Variants in PATL1 observed in about 807,000 individuals in gnomAD.
PATL1 encodes PAT1 homolog 1, processing body mRNA decay factor.
In PATL1, 32 loss-of-function variants were observed where a neutral mutation model predicts 100.6. That is an observed-to-expected ratio of 0.32 (90% CI 0.24 to 0.43). The LOEUF is 0.43. Among genes scored for constraint, PATL1 ranks in the 20% least tolerant of loss-of-function variants. The probability of loss-of-function intolerance (pLI) is 1.00; values close to 1 mark genes in which losing one functional copy is unlikely to be tolerated. For synonymous variants in PATL1, 332 were observed against 330.0 expected (o/e 1.01, Z -0.07); for missense variants, 747 against 949.9 (o/e 0.79, Z 2.81).
At chr11:59,651,897 T>C (rs1421345547) in intron 11 of PATL1, among the ~76,000 whole-genome samples, 2 of 151,154 alleles carry the variant, frequency 1.3e-5, no homozygotes, top group African/African-American at 4.9e-5. Flanking sequence ...AAACCCCGTC[T>C]CTACTAAAAA....
At chr11:59,641,062 C>A (rs1861270791) in intron 16 of PATL1, among the ~76,000 whole-genome samples, 1 of 151,890 alleles carries the variant, frequency 6.6e-6, no homozygotes, top group African/African-American at 2.4e-5. Flanking sequence ...ATCCCAGCTA[C>A]TTGGGGGCTG....
Position 59,665,578 on chromosome 11 carries a change from ACT to A in PATL1, c.127+1273_127+1274del, listed in dbSNP as rs540715863. ...CACTTTGGGAGGCTGAGGAGGGATC[ACT>A]TGAGGTCAGGAGTTCATGACCACCC... On this transcript the variant is annotated intron_variant, in intron 2 of 18. Coordinates refer to ENST00000300146, the MANE Select transcript of PATL1 (RefSeq NM_152716.3). 9.0e-3 allele frequency among the ~76,000 whole-genome samples: 1,369 copies of A among 152,214 alleles called. 19 individuals carry two copies. Among genetic ancestry groups the A allele is most frequent in the African/African-American group, 0.031 (1,267 of 41,524 alleles).
At chr11:59,668,765 C>A (rs535454537) in intron 1 of PATL1, 116 bp downstream of exon 1, 2 of 560,010 alleles carry the variant, frequency 3.6e-6, no homozygotes, top group Non-Finnish European at 3.2e-6. Flanking sequence ...CTAAGTCCTG[C>A]GACTCCCCCA....
chr11:59,657,955 G>C (rs925841928), intron 4 of PATL1, among the ~76,000 whole-genome samples: 4 of 152,080 alleles, frequency 2.6e-5, no homozygotes, highest in African/African-American at 9.7e-5. Context: ...CTTGAAGCCA[G>C]GAGTTTGAGA....
rs77170766 is a variant in PATL1, at chr11:59,665,937, G to A, written c.127+916C>T. On this transcript the variant is annotated intron_variant, in intron 2 of 18. Transcript: ENST00000300146. ...TTTCCATCTTGGCATTTATAACCCCGTGGCCTGTAACCTTAGTTTGGCTCT... is the reference window on the plus strand; with the variant it reads ...TTTCCATCTTGGCATTTATAACCCCATGGCCTGTAACCTTAGTTTGGCTCT... 6.2e-3 allele frequency among the ~76,000 whole-genome samples: 949 copies of A among 152,146 alleles called. 5 individuals carry two copies. Among genetic ancestry groups the A allele is most frequent in the African/African-American group, 0.021 (861 of 41,474 alleles).
intron 2 of PATL1, among the ~76,000 whole-genome samples, chr11:59,663,933 G>A (rs763580691): frequency 3.9e-5 from 6 of 152,252 alleles, no homozygotes; most frequent in Non-Finnish European, 8.8e-5. Context: ...AGAAGTCACA[G>A]GTTGACTTGG....
At chr11:59,664,198 A>G (rs1861659524) in intron 2 of PATL1, among the ~76,000 whole-genome samples, 1 of 152,172 alleles carries the variant, frequency 6.6e-6, no homozygotes, top group South Asian at 2.1e-4. Flanking sequence ...GTGTAAACCT[A>G]ATGGCTTTTT....
In PATL1 at chr11:59,658,871, C is replaced by T; in HGVS notation, c.421G>A (p.Ala141Thr). The T allele has an allele frequency of 3.2e-6, 5 of 1,546,464 alleles. No homozygotes were observed. Among genetic ancestry groups the T allele is most frequent in the Non-Finnish European group, 4.4e-6 (5 of 1,145,588 alleles). ...VLRRIRGPLL[A>T]QEMPTVSVLE... ...AAAGAGAAAATATTTAATACCTGAG[C>T]AAGCAGTGGTCCTCGGATTCGCCTC... The change falls in exon 4 of 19, where the codon GCT (alanine) becomes ACT (threonine). Residue 141 changes from alanine to threonine, a missense_variant. By Grantham distance (58) the Ala-to-Thr change is moderately conservative. Coordinates refer to ENST00000300146, the MANE Select transcript of PATL1 (RefSeq NM_152716.3).
intron 15 of PATL1, among the ~76,000 whole-genome samples, chr11:59,644,890 C>CTT (rs71036539): frequency 0.018 from 1,475 of 83,668 alleles, 18 homozygotes; most frequent in African/African-American, 0.053. Context: ...ACTTCGTTTC[C>CTT]TTTTTTTTTT....
intron 2 of PATL1, among the ~76,000 whole-genome samples, chr11:59,666,177 C>T (rs2134764519): frequency 6.6e-6 from 1 of 152,072 alleles, no homozygotes; most frequent in South Asian, 2.1e-4. Context: ...ACTCAGGAGG[C>T]GGAGGTTGCA....
At chr11:59,652,677 C>G (rs1861463764) in intron 10 of PATL1, 90 bp from the exon 11 acceptor site, 5 of 1,554,136 alleles carry the variant, frequency 3.2e-6, no homozygotes. Context: ...GACAGTAACA[C>G]AAGTTCAGCT....
In PATL1 at chr11:59,642,930, C is replaced by G. The variant is rs1269379611; in HGVS notation, c.1999G>C (p.Ala667Pro). Residue 667 changes from alanine (A) to proline (P), a missense_variant, in exon 16 of 19, where the codon GCT becomes CCT. Ala to Pro is a conservative substitution (Grantham distance 27). Transcript: ENST00000300146. The part of the protein sequence containing the change: ...RQLMNLPQSA[A>P]TPALSNPHLT... ...TGAGGATTGGAGAGTGCTGGTGTAG[C>G]TGCACTTTGAGGTAGGTTCATTAGC... is the stretch of plus-strand genomic sequence containing the variant. 1 of 1,613,934 alleles carries G rather than the reference C, an allele frequency of 6.2e-7. No homozygotes were observed.
At chr11:59,640,072 T>TG (rs1861254169) in intron 16 of PATL1, among the ~76,000 whole-genome samples, 1 of 152,232 alleles carries the variant, frequency 6.6e-6, no homozygotes, top group South Asian at 2.1e-4. Flanking sequence ...TCAGGTGTGG[T>TG]GGCTCATGCC....
Position 59,658,895 on chromosome 11 carries a change from T to C in PATL1, c.397A>G (p.Arg133Gly). 6.5e-7 allele frequency: 1 copy of C among 1,549,894 alleles called. No individual in the cohort carries two copies. The highest frequency in any genetic ancestry group is 1.4e-5 in the African/African-American group (1 of 73,052). ...SSIWDGSEVL[R>G]RIRGPLLAQE... ...GCAAGCAGTGGTCCTCGGATTCGCCTCAGAACTTCAGATCCATCCCAGATA... is the reference window on the plus strand; with the variant it reads ...GCAAGCAGTGGTCCTCGGATTCGCCCCAGAACTTCAGATCCATCCCAGATA... Residue 133 changes from arginine (R) to glycine (G), a missense_variant, in exon 4 of 19, where the codon AGG becomes GGG. Coordinates refer to ENST00000300146, the MANE Select transcript of PATL1 (RefSeq NM_152716.3).
chr11:59,642,696 A>T (rs1861303502), intron 16 of PATL1, 184 bp downstream of exon 16: 1 of 592,494 alleles, frequency 1.7e-6, no homozygotes, highest in Admixed American at 3.6e-5. Context: ...TTCACACTAG[A>T]CACATAAAAT....
intron 1 of PATL1, 91 bp downstream of exon 1, chr11:59,668,790 C>T: frequency 1.5e-6 from 1 of 683,536 alleles, no homozygotes; most frequent in East Asian, 3.5e-5. Context: ...GCCCCCTGCC[C>T]CGCAGGAACA....
Position 59,639,347 on chromosome 11 carries a change from C to T in PATL1, c.2086G>A (p.Gly696Ser), listed in dbSNP as rs1048485688. 1.3e-6 allele frequency: 2 copies of T among 1,550,472 alleles called. No individual in the cohort carries two copies. The highest frequency in any genetic ancestry group is 1.7e-6 in the Non-Finnish European group (2 of 1,147,008). Residue 696 changes from glycine to serine, a missense_variant, in exon 17 of 19, where the codon GGT becomes AGT. Transcript: ENST00000300146. ...GGGTCTGAACTCTGTAGGTCTTCAC[C>T]ACGGCTCAGGAGGATGAGGAGCAGT... ...LSLLLILLSRGEDLQSSDPAT... is the reference protein window; with the variant it reads ...LSLLLILLSRSEDLQSSDPAT...
intron 8 of PATL1, among the ~76,000 whole-genome samples, chr11:59,655,149 C>T (rs1230310860): frequency 6.6e-6 from 1 of 152,212 alleles, no homozygotes; most frequent in Non-Finnish European, 1.5e-5. Context: ...CTTTCCTCTA[C>T]TGGTTCTCGT....
intron 4 of PATL1, 59 bp from the exon 5 acceptor site, chr11:59,657,783 T>C: frequency 8.2e-6 from 11 of 1,337,440 alleles, no homozygotes; most frequent in Non-Finnish European, 1.1e-5. Context: ...GTTTTAGTAA[T>C]CTCTACAGAT....
Sources: allele counts gnomAD v4.1 joint callset (sites outside exome capture counted in the v4.1 genomes callset), GRCh38; gene constraint gnomAD v4.1.1; transcripts MANE v1.5; gene names NCBI Gene and HGNC (gene_info 2026-07-23, HGNC 2026-07-21).